The following CADM2 variants were observed in gnomAD, a reference collection of about 807,000 sequenced individuals.
CADM2 encodes immunoglobulin superfamily member 4D.
A neutral mutation model predicts 49.8 loss-of-function variants in CADM2; 12 were observed. The observed-to-expected ratio is 0.24, with a 90% CI of 0.15 to 0.39. The LOEUF is 0.39. CADM2 is among the 10% of genes least tolerant of loss of function. The pLI, the probability that CADM2 is intolerant of heterozygous loss-of-function variation, is 1.00. For synonymous variants in CADM2, 214 were observed against 175.4 expected (o/e 1.22, Z -1.74); for missense variants, 378 against 492.3 (o/e 0.77, Z 2.20).
intron 1 of CADM2, among the ~76,000 whole-genome samples, chr3:85,072,791 A>G (rs191870709): frequency 6.6e-6 from 1 of 152,230 alleles, no homozygotes; most frequent in Admixed American, 6.5e-5. Context: ...GTTTACTTAG[A>G]GAAATATTTT....
intron 1 of CADM2, among the ~76,000 whole-genome samples, chr3:85,426,852 TA>T (rs1239010467): frequency 6.6e-6 from 1 of 152,030 alleles, no homozygotes; most frequent in African/African-American, 2.4e-5. Context: ...ATTGACATGC[TA>T]AAATTATTAA....
At chr3:85,240,100 C>G (rs1222265854) in intron 1 of CADM2, among the ~76,000 whole-genome samples, 2 of 151,284 alleles carry the variant, frequency 1.3e-5, no homozygotes, top group Non-Finnish European at 3.0e-5. Context: ...ATAAAATGTG[C>G]TATTTACTTT....
intron 3 of CADM2, among the ~76,000 whole-genome samples, chr3:85,832,319 T>A (rs1159501693): frequency 6.6e-6 from 1 of 151,994 alleles, no homozygotes; most frequent in Non-Finnish European, 1.5e-5. Context: ...TGCTACCATA[T>A]GAAGTTCAGG....
At chr3:85,053,174 G>A (rs2035950738) in intron 1 of CADM2, among the ~76,000 whole-genome samples, 1 of 151,982 alleles carries the variant, frequency 6.6e-6, no homozygotes, top group South Asian at 2.1e-4. Flanking sequence ...AGGCTAAAAT[G>A]TTCAGAGCTA....
At chr3:85,588,606 A>G (rs1490215278) in intron 1 of CADM2, among the ~76,000 whole-genome samples, 1 of 152,086 alleles carries the variant, frequency 6.6e-6, no homozygotes, top group African/African-American at 2.4e-5. Context: ...GTTTTCATCT[A>G]AGTACCTCTG....
At chr3:85,191,380 C>T (rs188662443) in intron 1 of CADM2, among the ~76,000 whole-genome samples, 5 of 151,866 alleles carry the variant, frequency 3.3e-5, no homozygotes, top group East Asian at 1.9e-4. Flanking sequence ...CTGTAGGAAA[C>T]GTTTATTAAC....
intron 6 of CADM2, among the ~76,000 whole-genome samples, chr3:85,915,058 A>G (rs1237036504): frequency 6.6e-6 from 1 of 152,068 alleles, no homozygotes; most frequent in Non-Finnish European, 1.5e-5. Context: ...TACTCTACAC[A>G]TTCTGGAAAA....
intron 1 of CADM2, among the ~76,000 whole-genome samples, chr3:85,285,715 T>C (rs2106909209): frequency 6.6e-6 from 1 of 152,120 alleles, no homozygotes; most frequent in Non-Finnish European, 1.5e-5. Flanking sequence ...GATCAGTTTC[T>C]TCTCATGAAC....
chr3:85,691,964 G>A (rs1405335047), intron 1 of CADM2, among the ~76,000 whole-genome samples: 5 of 152,010 alleles, frequency 3.3e-5, no homozygotes, highest in Admixed American at 6.5e-5. Flanking sequence ...ATCACACACC[G>A]GGGCCTGTTG....
intron 1 of CADM2, among the ~76,000 whole-genome samples, chr3:85,219,715 A>T (rs917795689): frequency 6.6e-6 from 1 of 152,124 alleles, no homozygotes; most frequent in Admixed American, 6.5e-5. Flanking sequence ...TATACCTTGC[A>T]TGATACCAAA....
intron 5 of CADM2, among the ~76,000 whole-genome samples, chr3:85,886,811 A>G (rs1223160826): frequency 5.9e-5 from 9 of 152,154 alleles, no homozygotes; most frequent in African/African-American, 1.2e-4. Flanking sequence ...AAAAATGTGT[A>G]CTTGTCTAAG....
intron 8 of CADM2, among the ~76,000 whole-genome samples, chr3:86,011,138 G>A (rs895450201): frequency 1.3e-5 from 2 of 151,946 alleles, no homozygotes; most frequent in Non-Finnish European, 2.9e-5. Context: ...CACATCAGTA[G>A]CAAAGTCTTA....
At chr3:85,562,894 G>A (rs2062140788) in intron 1 of CADM2, among the ~76,000 whole-genome samples, 1 of 152,034 alleles carries the variant, frequency 6.6e-6, no homozygotes, top group South Asian at 2.1e-4. Context: ...CCTAATTTAT[G>A]AGTTAATAGC....
chr3:85,930,569 G>A (rs929306799), intron 6 of CADM2, among the ~76,000 whole-genome samples: 5 of 151,386 alleles, frequency 3.3e-5, no homozygotes, highest in African/African-American at 4.9e-5. Context: ...TTTTTTTCTC[G>A]TACTCCTTAA....
chr3:85,982,866 T>C (rs1333644120), intron 8 of CADM2, among the ~76,000 whole-genome samples: 1 of 151,746 alleles, frequency 6.6e-6, no homozygotes, highest in Non-Finnish European at 1.5e-5. Flanking sequence ...TATTTTCAAC[T>C]TGCAGCATTT....
At chr3:85,319,416 C>T (rs148173037) in intron 1 of CADM2, among the ~76,000 whole-genome samples, 3 of 152,230 alleles carry the variant, frequency 2.0e-5, no homozygotes, top group African/African-American at 4.8e-5. Flanking sequence ...CCAGAACTAC[C>T]GTTCGACTTA....
At chr3:85,073,056 T>C (rs1374362522) in intron 1 of CADM2, among the ~76,000 whole-genome samples, 2 of 152,280 alleles carry the variant, frequency 1.3e-5, no homozygotes, top group Middle Eastern at 3.4e-3. Context: ...AAGTCTGATG[T>C]AGCTCTAGTG....
intron 3 of CADM2, among the ~76,000 whole-genome samples, chr3:85,870,355 G>A (rs745887151): frequency 6.6e-6 from 1 of 151,890 alleles, no homozygotes; most frequent in East Asian, 1.9e-4. Context: ...TGCCACCAAA[G>A]TCTTGAGCCT....
intron 3 of CADM2, 87 bp downstream of exon 3, chr3:85,802,283 A>C: frequency 8.9e-7 from 1 of 1,125,912 alleles, no homozygotes; most frequent in Non-Finnish European, 1.2e-6. Flanking sequence ...GATTCAAACT[A>C]TTCCTTTTGA....
Sources: gnomAD v4.1 joint callset for allele counts (sites outside exome capture counted in the v4.1 genomes callset) on GRCh38, gnomAD v4.1.1 for gene constraint, MANE v1.5 for transcripts, NCBI Gene and HGNC (gene_info 2026-07-23, HGNC 2026-07-21) for gene names.